The following ABCG8 variants were observed in gnomAD, a reference collection of about 807,000 sequenced individuals.
ABCG8 encodes the protein ATP-binding cassette sub-family G member 8.
A neutral mutation model predicts 71.3 loss-of-function variants in ABCG8; 81 were observed. The ratio of observed to expected loss-of-function variants is 1.14; its 90% confidence interval spans 0.95 to 1.37. The LOEUF (loss-of-function observed/expected upper bound fraction) is 1.37. ABCG8 is among the 40% of genes most tolerant of loss of function. The probability of loss-of-function intolerance (pLI) is 0.00; values close to 1 mark genes in which losing one functional copy is unlikely to be tolerated. For missense variants in ABCG8, 1,119 were observed against 866.2 expected (o/e 1.29, Z -3.66); for synonymous variants, 451 against 354.7 (o/e 1.27, Z -3.05).
chr2:43,850,629 C>T (rs4496372), intron 3 of ABCG8, among the ~76,000 whole-genome samples: 91,471 of 152,026 alleles, frequency 0.6, 27,906 homozygotes, highest in East Asian at 0.86. Context: ...TAGGTGAATC[C>T]TTTTTTAAAA....
intron 3 of ABCG8, chr2:43,847,394 A>G (rs1668777032): frequency 6.6e-6 from 1 of 152,172 alleles, no homozygotes; most frequent in African/African-American, 2.4e-5. Context: ...TGTCCCTGCA[A>G]TCCTGACCTA....
At chr2:43,842,294 T>C (rs912153345) in intron 1 of ABCG8, among the ~76,000 whole-genome samples, 5 of 152,200 alleles carry the variant, frequency 3.3e-5, no homozygotes, top group African/African-American at 4.8e-5. Flanking sequence ...ATTACAGGCA[T>C]GAGCCACTGC....
intron 6 of ABCG8, 124 bp from the exon 7 acceptor site, chr2:43,871,852 G>T: frequency 7.2e-7 from 1 of 1,386,440 alleles, no homozygotes; most frequent in Non-Finnish European, 1.0e-6. Flanking sequence ...CTGAGGGTGG[G>T]GAGAATGTCC....
At chr2:43,853,985 C>T (rs748908138) in intron 6 of ABCG8, among the ~76,000 whole-genome samples, 17 of 152,170 alleles carry the variant, frequency 1.1e-4, no homozygotes, top group African/African-American at 4.1e-4. Flanking sequence ...GGCTTCCTGA[C>T]GGTGTGTCAT....
chr2:43,871,752 G>C (rs1352051337), intron 6 of ABCG8, among the ~76,000 whole-genome samples: 1 of 152,222 alleles, frequency 6.6e-6, no homozygotes, highest in African/African-American at 2.4e-5. Flanking sequence ...CTTACCCTGA[G>C]GCTTCTGCAG....
At chr2:43,866,036 C>A (rs1024488549) in intron 6 of ABCG8, among the ~76,000 whole-genome samples, 1 of 151,346 alleles carries the variant, frequency 6.6e-6, no homozygotes, top group Non-Finnish European at 1.5e-5. Context: ...TCAGAAATAA[C>A]GCCGCATATC....
At chr2:43,846,994 A>G (rs1327721131) in intron 3 of ABCG8, 66 of 78,876 alleles carry the variant, frequency 8.4e-4, no homozygotes, top group African/African-American at 2.1e-3. Flanking sequence ...GCGCGTGCAC[A>G]CACACACACA....
intron 3 of ABCG8, among the ~76,000 whole-genome samples, chr2:43,848,854 A>G (rs1342558559): frequency 1.5e-5 from 2 of 136,926 alleles, no homozygotes; most frequent in South Asian, 2.2e-4. Flanking sequence ...TGTCTCTACT[A>G]AAAAAAAAAT....
chr2:43,879,229 G>A lies in ABCG8; in HGVS notation c.*1316G>A, dbSNP rs1670055179. The A allele has an allele frequency of 6.6e-6, 1 of 152,252 alleles. No individual in the cohort carries two copies. 9.4% of individuals were successfully genotyped at this position (152,252 alleles called of 1,614,324 possible). ...CTTGCCTGAGTGTTGGGGACTATCTGACCCAAAACAGGTGCACAGAGGGCA... is the reference window on the plus strand; with the variant it reads ...CTTGCCTGAGTGTTGGGGACTATCTAACCCAAAACAGGTGCACAGAGGGCA... On this transcript the variant is annotated 3_prime_UTR_variant, in exon 13 of 13. Coordinates refer to ENST00000272286, the MANE Select transcript of ABCG8 (RefSeq NM_022437.3).
At chr2:43,862,373 A>ATT (rs1241097735) in intron 6 of ABCG8, among the ~76,000 whole-genome samples, 1 of 150,938 alleles carries the variant, frequency 6.6e-6, no homozygotes, top group Admixed American at 6.6e-5. Context: ...TCTGGATAGA[A>ATT]TTTTCACTCT....
intron 2 of ABCG8, among the ~76,000 whole-genome samples, chr2:43,845,779 G>A (rs1414103011): frequency 6.6e-6 from 1 of 152,010 alleles, no homozygotes; most frequent in Non-Finnish European, 1.5e-5. Context: ...CCACCACCAT[G>A]CCTGGCTAAT....
At position 43,871,577 on chromosome 2, in the gene ABCG8, C is replaced by T. The variant is rs553828178; in HGVS notation, c.965-399C>T. Among the ~76,000 whole-genome samples, 3 of 152,060 alleles carry T rather than the reference C, an allele frequency of 2.0e-5. No individual in the cohort carries two copies. The East Asian group carries it at 5.8e-4, about 29-fold the overall frequency. On this transcript the variant is annotated intron_variant, in intron 6 of 12. Transcript: ENST00000272286. ...TTCTCCCCATGGAGGGGCACTGAGT[C>T]CTCATTAAAGCTTCCTGGACAGCTG...
At position 43,877,972 on chromosome 2, in the gene ABCG8, C is replaced by T; in HGVS notation, c.*59C>T. The T allele has an allele frequency of 6.2e-7, 1 of 1,612,168 alleles. No individual in the cohort carries two copies. The highest frequency in any genetic ancestry group is 8.5e-7 in the Non-Finnish European group (1 of 1,179,144). ...CTGAGCAGACCCTTCAACTGCACTC[C>T]CTCCTCAGGAGCCCCTTCCTGGGGA... On this transcript the variant is annotated 3_prime_UTR_variant, in exon 13 of 13. Transcript: ENST00000272286.
intron 4 of ABCG8, 126 bp from the exon 5 acceptor site, chr2:43,852,228 C>T (rs1668942824): frequency 7.5e-7 from 1 of 1,328,938 alleles, no homozygotes; most frequent in East Asian, 2.3e-5. Flanking sequence ...AACTCAAGTG[C>T]TGGAGCTGTC....
intron 6 of ABCG8, among the ~76,000 whole-genome samples, chr2:43,855,530 T>A (rs10174731): frequency 0.49 from 74,680 of 151,766 alleles, 18,947 homozygotes; most frequent in East Asian, 0.86. Flanking sequence ...CAGTCTTTAG[T>A]TAGAACTCTC....
rs1670165923 is a variant in ABCG8 at position 43,882,665 on chromosome 2, C to T, written c.*4752C>T. ...TGGCCTGGGTACAGAGCAACATCCC[C>T]TGTCTTTATCACATGAGCTCTGCCT... is the stretch of plus-strand genomic sequence containing the variant. On this transcript the variant is annotated 3_prime_UTR_variant, in exon 13 of 13. Transcript: ENST00000272286. The T allele has an allele frequency of 6.6e-6, 1 of 152,244 alleles. No individual in the cohort carries two copies. The highest frequency in any genetic ancestry group is 2.4e-5 in the African/African-American group (1 of 41,458). 9.4% of individuals were successfully genotyped at this position (152,244 alleles called of 1,614,324 possible). A position where few individuals can be genotyped will look rare whatever the true frequency, so the allele number is the denominator to read the frequency against.
At chr2:43,847,060 C>G (rs1668768550) in intron 3 of ABCG8, 2 of 152,830 alleles carry the variant, frequency 1.3e-5, no homozygotes, top group Admixed American at 1.3e-4. Flanking sequence ...GACTCAAATC[C>G]AAAGAAATTG....
intron 6 of ABCG8, among the ~76,000 whole-genome samples, chr2:43,853,755 GC>G (rs1208913447): frequency 6.6e-6 from 1 of 152,212 alleles, no homozygotes; most frequent in African/African-American, 2.4e-5. Flanking sequence ...AGCTTGCAGA[GC>G]TAAACACCTG....
At chr2:43,852,267 A>AGCGG in intron 4 of ABCG8, 87 bp from the exon 5 acceptor site, 1 of 1,586,186 alleles carries the variant, frequency 6.3e-7, no homozygotes, top group South Asian at 1.1e-5. Context: ...CAGCCGGAGG[A>AGCGG]GCGGGCGCCT....
Sources: allele counts gnomAD v4.1 joint callset (sites outside exome capture counted in the v4.1 genomes callset), GRCh38; gene constraint gnomAD v4.1.1; transcripts MANE v1.5; gene names NCBI Gene and HGNC (gene_info 2026-07-23, HGNC 2026-07-21).